Variants in SORBS2 observed in about 807,000 individuals in gnomAD.
SORBS2 encodes sorbin and SH3 domain-containing protein 2.
In SORBS2, 46 loss-of-function variants were observed where a neutral mutation model predicts 97.7. The ratio of observed to expected loss-of-function variants is 0.47; its 90% CI spans 0.37 to 0.60. The LOEUF is 0.60. Among genes scored for constraint, SORBS2 ranks in the 20% least tolerant of loss-of-function variants. The pLI is 0.00. For synonymous variants in SORBS2, 476 were observed against 473.4 expected (o/e 1.01, Z -0.07); for missense variants, 1,316 against 1,282.3 (o/e 1.03, Z -0.40).
At position 185,692,220 on chromosome 4, in the gene SORBS2, C is replaced by T. The variant is rs549688161; in HGVS notation, c.-197-13398G>A. Among the ~76,000 whole-genome samples the T allele has an allele frequency of 2.5e-4, 38 of 152,318 alleles. No individual in the cohort carries two copies. The Middle Eastern group carries it at 0.01, about 41-fold the overall frequency. ...GACCCCGGCCACTTGGCCTTTGCTC[C>T]TGAGTGGGCCTGTTGTTGAGTATCC... On this transcript the variant is annotated intron_variant, in intron 2 of 20. Coordinates refer to the SORBS2 transcript ENST00000284776.
chr4:185,897,296 G>A (rs1046973761), intron 1 of SORBS2, among the ~76,000 whole-genome samples: 1 of 152,166 alleles, frequency 6.6e-6, no homozygotes, highest in Non-Finnish European at 1.5e-5. Flanking sequence ...ATTCCAGAGA[G>A]GGCCCCACCC....
chr4:185,770,700 A>AAAAAAT (rs2098965075), intron 2 of SORBS2, among the ~76,000 whole-genome samples: 1 of 152,186 alleles, frequency 6.6e-6, no homozygotes, highest in Admixed American at 6.5e-5. Flanking sequence ...TGATTTAAAA[A>AAAAAAT]AAAAATAAAA....
rs116503904 is a variant in SORBS2 at position 185,744,243 on chromosome 4, G to A, written c.-198+30984C>T. ...TTATTCAATTACACAATGATTACAT[G>A]TGGGCTGGTGGTTTTGAAACAATGT... On this transcript the variant is annotated intron_variant, in intron 2 of 20. Transcript: ENST00000284776. Among the ~76,000 whole-genome samples, 569 of 152,122 alleles carry A rather than the reference G, an allele frequency of 3.7e-3. 2 individuals carry two copies. The highest frequency in any genetic ancestry group is 5.6e-3 in the Non-Finnish European group (379 of 68,012).
intron 4 of SORBS2, among the ~76,000 whole-genome samples, chr4:185,664,146 G>T (rs901013667): frequency 3.3e-5 from 5 of 152,028 alleles, no homozygotes; most frequent in African/African-American, 1.2e-4. Context: ...GAGCCACCGC[G>T]CCCGGCCTAG....
intron 1 of SORBS2, among the ~76,000 whole-genome samples, chr4:185,886,554 C>CA (rs1198439527): frequency 0.08 from 5,839 of 72,572 alleles, 416 homozygotes; most frequent in African/African-American, 0.18. Context: ...GACTCTGTCT[C>CA]AAAAAAAAAA....
chr4:185,875,889 T>C (rs1348674334), intron 1 of SORBS2, among the ~76,000 whole-genome samples: 3 of 152,198 alleles, frequency 2.0e-5, no homozygotes, highest in Admixed American at 1.3e-4. Context: ...TCCCCCTCAT[T>C]ACACTCAAAT....
chr4:185,831,113 G>A (rs866871327), intron 1 of SORBS2, among the ~76,000 whole-genome samples: 3 of 152,038 alleles, frequency 2.0e-5, no homozygotes, highest in Non-Finnish European at 2.9e-5. Context: ...ACTTTTGATC[G>A]TACACTTGAT....
intron 1 of SORBS2, among the ~76,000 whole-genome samples, chr4:185,900,747 G>A (rs1156567740): frequency 2.0e-5 from 3 of 152,084 alleles, no homozygotes; most frequent in Admixed American, 1.3e-4. Context: ...GTATTTGTAC[G>A]TATGAGTGGG....
rs560302434 is a variant in SORBS2 at position 185,953,671 on chromosome 4, C to T, written c.-338+2525G>A. Among the ~76,000 whole-genome samples the T allele has an allele frequency of 2.0e-5, 3 of 152,368 alleles. No homozygotes were observed. The South Asian group carries it at 6.2e-4, about 32-fold the overall frequency. ...GACGCTAATAAGGGCCTTTCTGTTGCTGGCTCCGTAGCCAGGCCCCTCTTC... is the reference window on the plus strand; with the variant it reads ...GACGCTAATAAGGGCCTTTCTGTTGTTGGCTCCGTAGCCAGGCCCCTCTTC... On this transcript the variant is annotated intron_variant, in intron 1 of 20. Transcript: ENST00000284776.
At chr4:185,751,860 A>T (rs1234946041) in intron 2 of SORBS2, among the ~76,000 whole-genome samples, 1 of 152,188 alleles carries the variant, frequency 6.6e-6, no homozygotes, top group East Asian at 1.9e-4. Context: ...CTTTGCATTA[A>T]GGTGCGATTT....
intron 4 of SORBS2, chr4:185,635,381 C>T (rs1223139586): frequency 6.2e-7 from 1 of 1,613,686 alleles, no homozygotes; most frequent in African/African-American, 1.3e-5. Flanking sequence ...GAAGAATGAT[C>T]TTGAACATAG....
intron 3 of SORBS2, among the ~76,000 whole-genome samples, chr4:185,649,179 C>T (rs73876135): frequency 0.023 from 3,472 of 152,212 alleles, 131 homozygotes; most frequent in African/African-American, 0.08. Context: ...AAGTACATGT[C>T]CATTATTTCT....
At chr4:185,713,411 G>T (rs140087387) in intron 2 of SORBS2, among the ~76,000 whole-genome samples, 1 of 152,246 alleles carries the variant, frequency 6.6e-6, no homozygotes, top group African/African-American at 2.4e-5. Context: ...TTACGTGTTT[G>T]CTTTTTATCT....
chr4:185,667,706 ACG>A (rs1491181232), intron 4 of SORBS2, among the ~76,000 whole-genome samples: 11 of 11,282 alleles, frequency 9.8e-4, no homozygotes, highest in East Asian at 4.9e-3. Context: ...ATATATATAT[ACG>A]TATATATATA....
intron 1 of SORBS2, among the ~76,000 whole-genome samples, chr4:185,868,147 C>CTTTTTTTTTTTTTTTTTT (rs372271322): frequency 2.2e-5 from 2 of 89,766 alleles, no homozygotes; most frequent in Non-Finnish European, 4.4e-5. Context: ...CTTTTCTTTT[C>CTTTTTTTTTTTTTTTTTT]TTTTTTTCTT....
At chr4:185,693,962 T>C (rs574510869) in intron 2 of SORBS2, among the ~76,000 whole-genome samples, 61 of 152,370 alleles carry the variant, frequency 4.0e-4, no homozygotes, top group African/African-American at 1.4e-3. Flanking sequence ...GCTTTTTAAC[T>C]TCCCATTGTT....
intron 2 of SORBS2, among the ~76,000 whole-genome samples, chr4:185,702,725 G>A (rs549340639): frequency 1.3e-5 from 2 of 151,896 alleles, no homozygotes; most frequent in African/African-American, 4.8e-5. Flanking sequence ...GGTATGCTTG[G>A]GCAAATCACT....
chr4:185,812,477 C>T (rs762314367), intron 1 of SORBS2, among the ~76,000 whole-genome samples: 1 of 152,132 alleles, frequency 6.6e-6, no homozygotes, highest in Non-Finnish European at 1.5e-5. Context: ...TTATATGAGC[C>T]GGGGCTATGT....
In SORBS2 at chr4:185,745,596, A is replaced by G. The variant is rs79543385; in HGVS notation, c.-198+29631T>C. 2.6e-4 allele frequency among the ~76,000 whole-genome samples: 40 copies of G among 152,306 alleles called. No individual in the cohort carries two copies. The East Asian group carries it at 4.4e-3, about 17-fold the overall frequency. On this transcript the variant is annotated intron_variant, in intron 2 of 20. Transcript: ENST00000284776. ...TACAAATTTCCTTAGACTGCAAGCA[A>G]TCACACTATACTTAATAGCTATATT...
Sources: gnomAD v4.1 joint callset for allele counts (sites outside exome capture counted in the v4.1 genomes callset) on GRCh38, gnomAD v4.1.1 for gene constraint, MANE v1.5 for transcripts, NCBI Gene and HGNC (gene_info 2026-07-23, HGNC 2026-07-21) for gene names.